The following STPG4 variants were observed in gnomAD, a reference collection of about 807,000 sequenced individuals.
The protein encoded by STPG4 is sperm-tail PG-rich repeat containing 4, also known as protein STPG4.
STPG4 carries 41 observed loss-of-function variants against 31.5 expected under a neutral mutation model. The ratio of observed to expected loss-of-function variants is 1.30; its 90% CI spans 1.01 to 1.69. The LOEUF (loss-of-function observed/expected upper bound fraction) is 1.69, where lower values mean the gene tolerates loss of function less well. Ranked by LOEUF, STPG4 falls within the 40% of genes most tolerant of loss-of-function variation. The probability of loss-of-function intolerance (pLI) is 0.00; values close to 1 mark genes in which losing one functional copy is unlikely to be tolerated. For synonymous variants in STPG4, 141 were observed against 103.0 expected (o/e 1.37, Z -2.24); for missense variants, 375 against 293.4 (o/e 1.28, Z -2.03).
Position 47,155,247 on chromosome 2 carries a change from TC to T in STPG4, c.4del (p.Asp2ThrfsTer12). 10 of 1,613,994 alleles carry T rather than the reference TC, an allele frequency of 6.2e-6. No homozygotes were observed. The highest frequency in any genetic ancestry group is 8.5e-6 in the Non-Finnish European group (10 of 1,179,956). On this transcript the variant is annotated frameshift_variant, in exon 1 of 7. Coordinates refer to ENST00000445927, the MANE Select transcript of STPG4 (RefSeq NM_001163561.2). LOFTEE classifies it high-confidence loss of function. Reference sequence around the variant, plus strand: ...GGAAGCGGTGGCGACGGCTGGCTGGTCCATGGTGGCCTCCTCTCTCTCTAGG... The same window carrying T: ...GGAAGCGGTGGCGACGGCTGGCTGGTCATGGTGGCCTCCTCTCTCTCTAGG... The part of the protein sequence containing the change: M[D>X]QPAVATASTS...
chr2:47,141,030 G>T (rs765911782), intron 3 of STPG4, among the ~76,000 whole-genome samples: 1 of 152,018 alleles, frequency 6.6e-6, no homozygotes, highest in Non-Finnish European at 1.5e-5. Context: ...GTGACTACAG[G>T]TGTGTACCAC....
chr2:47,136,022 C>T (rs976262462), intron 3 of STPG4, among the ~76,000 whole-genome samples: 6 of 152,192 alleles, frequency 3.9e-5, no homozygotes, highest in African/African-American at 1.4e-4. Context: ...CACAAAATAA[C>T]ATTCTCTAAT....
At chr2:47,110,638 G>A (rs1384686387) in intron 5 of STPG4, among the ~76,000 whole-genome samples, 1 of 152,164 alleles carries the variant, frequency 6.6e-6, no homozygotes, top group Non-Finnish European at 1.5e-5. Flanking sequence ...ACCAATTGAA[G>A]AGAAAGAAAT....
intron 3 of STPG4, among the ~76,000 whole-genome samples, chr2:47,132,919 T>C (rs921246898): frequency 3.3e-5 from 5 of 152,336 alleles, no homozygotes; most frequent in African/African-American, 9.6e-5. Context: ...GAAAAACTAT[T>C]AGCATTACTC....
chr2:47,098,809 G>A (rs991870225), intron 5 of STPG4, among the ~76,000 whole-genome samples: 3 of 151,392 alleles, frequency 2.0e-5, no homozygotes, highest in African/African-American at 7.3e-5. Flanking sequence ...GTGTGGAGGT[G>A]GGTACAGAGA....
At chr2:47,127,674 G>C (rs1025996893) in intron 5 of STPG4, among the ~76,000 whole-genome samples, 1 of 152,086 alleles carries the variant, frequency 6.6e-6, no homozygotes, top group Non-Finnish European at 1.5e-5. Flanking sequence ...GTATCTGCTT[G>C]ATTTTTTAAA....
intron 2 of STPG4, among the ~76,000 whole-genome samples, chr2:47,152,491 T>C (rs951000979): frequency 6.6e-6 from 1 of 152,212 alleles, no homozygotes; most frequent in Admixed American, 6.5e-5. Flanking sequence ...AGAAAATATG[T>C]CTGTAATATA....
In STPG4 at chr2:47,132,643, A is replaced by C. The variant is rs1247016407; in HGVS notation, c.400-2383T>G. 2.6e-5 allele frequency among the ~76,000 whole-genome samples: 4 copies of C among 152,326 alleles called. No homozygotes were observed. The East Asian group carries it at 7.7e-4, about 29-fold the overall frequency. ...TGTCATTCTTGTGTCTTATAGAAGC[A>C]CAGAAACACAATTTGAACTGGGCAT... On this transcript the variant is annotated intron_variant, in intron 3 of 6. Coordinates refer to ENST00000445927, the MANE Select transcript of STPG4 (RefSeq NM_001163561.2).
chr2:47,140,489 C>T (rs774473403), intron 3 of STPG4, among the ~76,000 whole-genome samples: 28 of 152,136 alleles, frequency 1.8e-4, no homozygotes, highest in Admixed American at 5.2e-4. Context: ...AGCAATTCTT[C>T]AGTTGTAGTT....
chr2:47,093,821 G>A (rs1685620315), intron 5 of STPG4, among the ~76,000 whole-genome samples: 1 of 152,198 alleles, frequency 6.6e-6, no homozygotes, highest in African/African-American at 2.4e-5. Flanking sequence ...GTGGATATAA[G>A]CCCAAGTTCA....
intron 5 of STPG4, among the ~76,000 whole-genome samples, chr2:47,128,315 C>T (rs567938814): frequency 1.3e-5 from 2 of 152,278 alleles, no homozygotes; most frequent in East Asian, 1.9e-4. Context: ...CTGGGTCTCA[C>T]CCAAGGGCTG....
intron 3 of STPG4, among the ~76,000 whole-genome samples, chr2:47,133,192 G>C (rs1413073127): frequency 1.3e-5 from 2 of 150,680 alleles, no homozygotes; most frequent in Admixed American, 6.6e-5. Context: ...TTTTGAGACA[G>C]GGCCTTGCTC....
chr2:47,134,080 A>G (rs1686546166), intron 3 of STPG4, among the ~76,000 whole-genome samples: 2 of 152,070 alleles, frequency 1.3e-5, no homozygotes, highest in African/African-American at 4.8e-5. Flanking sequence ...CTTTATTTAG[A>G]ACAGTTTTAG....
chr2:47,102,658 A>G (rs1685824366), intron 5 of STPG4, among the ~76,000 whole-genome samples: 1 of 151,818 alleles, frequency 6.6e-6, no homozygotes, highest in Non-Finnish European at 1.5e-5. Flanking sequence ...TCCCCTTCCT[A>G]TTAATGATAA....
intron 3 of STPG4, among the ~76,000 whole-genome samples, chr2:47,132,506 G>A (rs1686505868): frequency 6.6e-6 from 1 of 152,206 alleles, no homozygotes; most frequent in Admixed American, 6.5e-5. Context: ...ATAGAGTGAT[G>A]ATAACAGTCA....
chr2:47,090,852 C>T (rs1202181810), intron 5 of STPG4, among the ~76,000 whole-genome samples: 2 of 152,084 alleles, frequency 1.3e-5, no homozygotes, highest in East Asian at 1.9e-4. Flanking sequence ...CTGATATAAG[C>T]ACAATGCTAT....
At chr2:47,100,918 C>T (rs990765895) in intron 5 of STPG4, among the ~76,000 whole-genome samples, 2 of 151,842 alleles carry the variant, frequency 1.3e-5, no homozygotes, top group Non-Finnish European at 2.9e-5. Flanking sequence ...ACACTCACCA[C>T]GAGGGTCCGC....
intron 3 of STPG4, among the ~76,000 whole-genome samples, chr2:47,134,580 CCA>C (rs976792934): frequency 3.9e-5 from 6 of 152,268 alleles, no homozygotes; most frequent in East Asian, 3.9e-4. Flanking sequence ...TCTGGATGTA[CCA>C]CAGTTTATTT....
At chr2:47,138,846 C>T (rs1686650213) in intron 3 of STPG4, among the ~76,000 whole-genome samples, 1 of 151,850 alleles carries the variant, frequency 6.6e-6, no homozygotes. Flanking sequence ...CTGCACCTGG[C>T]CAATTATTTT....
Sources: gnomAD v4.1 joint callset for allele counts (sites outside exome capture counted in the v4.1 genomes callset) on GRCh38, gnomAD v4.1.1 for gene constraint, MANE v1.5 for transcripts, NCBI Gene and HGNC (gene_info 2026-07-23, HGNC 2026-07-21) for gene names.